Variants in TFRC observed in about 807,000 individuals in gnomAD.
TFRC encodes transferrin receptor, also known as transferrin receptor protein 1.
TFRC carries 35 observed loss-of-function variants against 85.8 expected under a neutral mutation model. The observed-to-expected ratio is 0.41, with a 90% CI of 0.31 to 0.54. The LOEUF (loss-of-function observed/expected upper bound fraction) is 0.54. TFRC is among the 20% of genes least tolerant of loss of function. The pLI is 0.31. For synonymous variants in TFRC, 362 were observed against 328.6 expected, an observed-to-expected ratio of 1.10 and a Z score of -1.10; for missense variants, 828 against 921.5, an observed-to-expected ratio of 0.90 and a Z score of 1.31.
At chr3:196,061,786 GC>G (rs1717305666) in intron 13 of TFRC, among the ~76,000 whole-genome samples, 1 of 152,116 alleles carries the variant, frequency 6.6e-6, no homozygotes, top group African/African-American at 2.4e-5. Flanking sequence ...ACTGCGCCCA[GC>G]CCAAAAAGCC....
intron 1 of TFRC, among the ~76,000 whole-genome samples, chr3:196,079,249 T>G (rs185261116): frequency 4.6e-5 from 7 of 152,312 alleles, no homozygotes; most frequent in Non-Finnish European, 8.8e-5. Flanking sequence ...AAAAACATCT[T>G]GCAAGTTTTA....
intron 9 of TFRC, among the ~76,000 whole-genome samples, chr3:196,066,446 C>T (rs558381736): frequency 1.3e-5 from 2 of 152,206 alleles, no homozygotes; most frequent in Admixed American, 1.3e-4. Context: ...CAGAGTGAGA[C>T]TGTCAAAATA....
At chr3:196,060,360 C>A in intron 13 of TFRC, 113 bp from the exon 14 acceptor site, 1 of 883,242 alleles carries the variant, frequency 1.1e-6, no homozygotes. Context: ...ATCAGTGGCC[C>A]TGTGCAACAA....
At chr3:196,081,218 T>G (rs186820575) in intron 1 of TFRC, among the ~76,000 whole-genome samples, 77 of 152,336 alleles carry the variant, frequency 5.1e-4, no homozygotes, top group Non-Finnish European at 1.6e-4. Flanking sequence ...GTCACTCCTA[T>G]GGCTCCCGTC....
At chr3:196,063,638 TAAAC>T (rs1717466172) in intron 11 of TFRC, among the ~76,000 whole-genome samples, 1 of 152,070 alleles carries the variant, frequency 6.6e-6, no homozygotes, top group African/African-American at 2.4e-5. Context: ...GGCTCAAAAA[TAAAC>T]AAAAGAGGCA....
At chr3:196,052,597 C>T (rs901153241) in intron 18 of TFRC, among the ~76,000 whole-genome samples, 3 of 151,992 alleles carry the variant, frequency 2.0e-5, no homozygotes, top group African/African-American at 7.2e-5. Flanking sequence ...TGCACCACCA[C>T]GCCCAGCTAA....
chr3:196,052,125 G>A lies in TFRC; in HGVS notation c.2100C>T (p.Val700=). Residue 700 remains valine (V), a synonymous_variant, in exon 19 of 19, where the codon GTC becomes GTT. Transcript: ENST00000360110. ...VSPKESPFRH[V]FWGSGSHTLP... ...GCGTGTGAGAGCCGGAGCCCCAGAA[G>A]ACATGTCGGAAAGGAGACTCTTTTG... The A allele has an allele frequency of 6.2e-7, 1 of 1,614,088 alleles. No individual in the cohort carries two copies. Among genetic ancestry groups the A allele is most frequent in the Non-Finnish European group, 8.5e-7 (1 of 1,180,024 alleles).
intron 2 of TFRC, among the ~76,000 whole-genome samples, chr3:196,076,240 C>T (rs1221844341): frequency 6.6e-6 from 1 of 152,098 alleles, no homozygotes; most frequent in Non-Finnish European, 1.5e-5. Flanking sequence ...CTCGTCATGG[C>T]CTGGATGGCT....
chr3:196,066,332 C>A (rs905339287), intron 9 of TFRC, among the ~76,000 whole-genome samples: 2 of 152,100 alleles, frequency 1.3e-5, no homozygotes, highest in African/African-American at 2.4e-5. Context: ...GTGGCTCACG[C>A]CTGTAATCCC....
chr3:196,075,264 C>T lies in TFRC; in HGVS notation c.133G>A (p.Glu45Lys). The change falls in exon 3 of 19, where the codon GAA becomes AAA. Residue 45 changes from glutamate (E) to lysine (K), a missense_variant. Glu to Lys is a moderately conservative substitution (Grantham distance 56). Transcript: ENST00000360110. ...HVEMKLAVDE[E>K]ENADNNTKAN... ...TTTGTGTTATTGTCAGCATTTTCTTCTTCATCTACAGCAAGTTTCATCTCC... is the reference window on the plus strand; with the variant it reads ...TTTGTGTTATTGTCAGCATTTTCTTTTTCATCTACAGCAAGTTTCATCTCC... The T allele has an allele frequency of 6.2e-7, 1 of 1,614,122 alleles. No individual in the cohort carries two copies. The highest frequency in any genetic ancestry group is 8.5e-7 in the Non-Finnish European group (1 of 1,180,018).
chr3:196,059,789 T>C (rs1337644368), intron 14 of TFRC, among the ~76,000 whole-genome samples: 1 of 119,066 alleles, frequency 8.4e-6, no homozygotes, highest in Non-Finnish European at 1.6e-5. Context: ...TAGGCAAATA[T>C]TTTCTTTCAC....
chr3:196,055,820 GA>G (rs1716740966), intron 16 of TFRC, among the ~76,000 whole-genome samples: 1 of 150,962 alleles, frequency 6.6e-6, no homozygotes, highest in African/African-American at 2.4e-5. Context: ...ACCCAGGCTA[GA>G]GTGCAGCGAT....
At chr3:196,059,016 GA>G (rs965843901) in intron 14 of TFRC, 4 of 150,838 alleles carry the variant, frequency 2.7e-5, no homozygotes, top group Non-Finnish European at 5.8e-5. Flanking sequence ...AAAAAAAAAG[GA>G]AAAAAAAATG....
intron 16 of TFRC, among the ~76,000 whole-genome samples, chr3:196,056,925 G>C (rs555544921): frequency 3.3e-5 from 5 of 152,082 alleles, no homozygotes; most frequent in African/African-American, 1.2e-4. Context: ...AGGTTCAAGC[G>C]ATTCTCCTGC....
chr3:196,064,266 T>A, intron 11 of TFRC, 43 bp downstream of exon 11: 4 of 1,586,996 alleles, frequency 2.5e-6, no homozygotes, highest in Non-Finnish European at 3.4e-6. Context: ...TAGAACTGTA[T>A]GCAGTGCACC....
chr3:196,053,635 C>T lies in TFRC; in HGVS notation c.1900-77G>A, dbSNP rs764146496. The T allele has an allele frequency of 6.8e-5, 107 of 1,562,398 alleles. 1 individual carries two copies. Among genetic ancestry groups the T allele is most frequent in the Non-Finnish European group, 8.3e-5 (95 of 1,141,042 alleles). ...TTGTATGCCTTTCTAATTTAACGTG[C>T]GTTAAGTAAGATTCTGATAAAAGGA... is the stretch of plus-strand genomic sequence containing the variant. On this transcript the variant is annotated intron_variant, in intron 17 of 18. Transcript: ENST00000360110.
chr3:196,052,654 T>C (rs1167694186), intron 18 of TFRC, among the ~76,000 whole-genome samples: 1 of 152,064 alleles, frequency 6.6e-6, no homozygotes, highest in African/African-American at 2.4e-5. Flanking sequence ...TTGGTCAGGC[T>C]GGTCTTGAAC....
chr3:196,062,902 A>G lies in TFRC; in HGVS notation c.1356T>C (p.Ser452=). ...FQPSRSIIFA[S]WSAGDFGSVG... ...CCGATCCAAAGTCTCCAGCACTCCA[A>G]CTGGCAAAGATAATGCTTCTGCTGG... Residue 452 remains serine (S), a synonymous_variant, in exon 12 of 19, where the codon AGT becomes AGC. Transcript: ENST00000360110. 1.2e-6 allele frequency: 2 copies of G among 1,614,186 alleles called. No homozygotes were observed. The highest frequency in any genetic ancestry group is 1.7e-6 in the Non-Finnish European group (2 of 1,180,042).
Position 196,049,415 on chromosome 3 carries a change from C to T in TFRC, c.*2527G>A. ...TAAAATTTCAAGAACATTCAAAGAGCTAACACAGTAAAGGTCATGCAAGTT... is the reference window on the plus strand; with the variant it reads ...TAAAATTTCAAGAACATTCAAAGAGTTAACACAGTAAAGGTCATGCAAGTT... On this transcript the variant is annotated 3_prime_UTR_variant, in exon 19 of 19. Coordinates refer to ENST00000360110, the MANE Select transcript of TFRC (RefSeq NM_001128148.3). 4.8e-6 allele frequency: 1 copy of T among 210,474 alleles called. No homozygotes were observed. The highest frequency in any genetic ancestry group is 9.6e-6 in the Non-Finnish European group (1 of 103,722). The allele number at this position is 210,474 out of a possible 1,614,324, so 13.0% of individuals were successfully genotyped here.
Sources: gnomAD v4.1 joint callset for allele counts (sites outside exome capture counted in the v4.1 genomes callset) on GRCh38, gnomAD v4.1.1 for gene constraint, MANE v1.5 for transcripts, NCBI Gene and HGNC (gene_info 2026-07-23, HGNC 2026-07-21) for gene names.